The following RPH3A variants were observed in gnomAD, a reference collection of about 807,000 sequenced individuals.
RPH3A encodes rabphilin-3A.
RPH3A carries 48 observed loss-of-function variants against 102.2 expected under a neutral mutation model. The ratio of observed to expected loss-of-function variants is 0.47; its 90% confidence interval spans 0.37 to 0.60. The LOEUF (loss-of-function observed/expected upper bound fraction) is 0.60. Ranked by LOEUF, RPH3A falls within the 20% of genes least tolerant of loss-of-function variation. RPH3A has a pLI of 0.00. For synonymous variants in RPH3A, 310 were observed against 324.3 expected (o/e 0.96, Z 0.47); for missense variants, 781 against 910.1 (o/e 0.86, Z 1.83).
chr12:112,720,758 G>A (rs1214803180), intron 1 of RPH3A, among the ~76,000 whole-genome samples: 1 of 152,184 alleles, frequency 6.6e-6, no homozygotes, highest in African/African-American at 2.4e-5. Context: ...CTATGCTTGT[G>A]TCACATATGC....
intron 1 of RPH3A, among the ~76,000 whole-genome samples, chr12:112,706,562 A>G (rs886537958): frequency 3.3e-5 from 5 of 152,170 alleles, no homozygotes; most frequent in African/African-American, 1.2e-4. Flanking sequence ...GCACTTCAAC[A>G]AATGAGAATG....
chr12:112,861,886 G>T lies in RPH3A; in HGVS notation c.231-3528G>T, dbSNP rs368225923. On this transcript the variant is annotated intron_variant, in intron 5 of 21. Transcript: ENST00000389385. ...AAATTAGCCAGGCGCGATGGTGGGC[G>T]CCTGTAGTCCCAGCTACTTGGGAGG... Among the ~76,000 whole-genome samples, 43 of 151,980 alleles carry T rather than the reference G, an allele frequency of 2.8e-4. 1 individual carries two copies. The highest frequency in any genetic ancestry group is 2.1e-3 in the South Asian group (10 of 4,802).
intron 2 of RPH3A, among the ~76,000 whole-genome samples, chr12:112,807,707 T>C (rs995315416): frequency 2.0e-5 from 3 of 152,056 alleles, no homozygotes; most frequent in African/African-American, 7.2e-5. Context: ...ATGATGATGA[T>C]GAAATCTCTG....
At chr12:112,810,623 T>C (rs2041554565) in intron 2 of RPH3A, among the ~76,000 whole-genome samples, 2 of 152,262 alleles carry the variant, frequency 1.3e-5, no homozygotes, top group South Asian at 4.1e-4. Context: ...AATGTACCGT[T>C]AGTTTCTTGT....
chr12:112,714,386 G>T (rs1467348599), intron 1 of RPH3A, among the ~76,000 whole-genome samples: 1 of 152,136 alleles, frequency 6.6e-6, no homozygotes, highest in African/African-American at 2.4e-5. Flanking sequence ...CTCAGGGTGC[G>T]TGCAGGAGCC....
At position 112,678,319 on chromosome 12, in the gene RPH3A, A is replaced by AGAGAGAGAGAGAGAGAG. The variant is rs1225677838; in HGVS notation, c.-140+103000_-140+103001insGAGAGAGAGAGAGAGAG. Among the ~76,000 whole-genome samples the AGAGAGAGAGAGAGAGAG allele has an allele frequency of 3.2e-4, 22 of 68,614 alleles. 3 individuals carry two copies. The highest frequency in any genetic ancestry group is 1.0e-3 in the Admixed American group (8 of 7,910). 45.0% of individuals were successfully genotyped at this position (68,614 alleles called of 152,430 possible). A position where few individuals can be genotyped will look rare whatever the true frequency, so the allele number is the denominator to read the frequency against. Reference sequence around the variant, plus strand: ...AAAGAAAGAAAGAGAGAGAGAGAGAAAGAAAGAAAGAAGGAAGGAAGGAAG... The same window carrying AGAGAGAGAGAGAGAGAG: ...AAAGAAAGAAAGAGAGAGAGAGAGAAGAGAGAGAGAGAGAGAGAGAAAGAAAGAAGGAAGGAAGGAAG... On this transcript the variant is annotated intron_variant, in intron 1 of 21. Transcript: ENST00000543106.
At position 112,840,018 on chromosome 12, in the gene RPH3A, C is replaced by T. The variant is rs538518163; in HGVS notation, c.83+3516C>T. On this transcript the variant is annotated intron_variant, in intron 4 of 21. Coordinates refer to ENST00000389385, the MANE Select transcript of RPH3A (RefSeq NM_001143854.2). ...AAAAAGAAAAGAAAAGAAGATAGACCCTGACTCTTTGGTGATCAATTTCAA... is the reference window on the plus strand; with the variant it reads ...AAAAAGAAAAGAAAAGAAGATAGACTCTGACTCTTTGGTGATCAATTTCAA... 2.6e-5 allele frequency among the ~76,000 whole-genome samples: 4 copies of T among 152,174 alleles called. No individual in the cohort carries two copies. The South Asian group carries it at 6.2e-4, about 24-fold the overall frequency.
intron 2 of RPH3A, among the ~76,000 whole-genome samples, chr12:112,809,917 T>C (rs1209521304): frequency 6.6e-6 from 1 of 152,172 alleles, no homozygotes; most frequent in Non-Finnish European, 1.5e-5. Context: ...CTCTTACCTG[T>C]AAATTCTGAC....
chr12:112,891,099 T>C, intron 19 of RPH3A, 96 bp downstream of exon 19: 2 of 1,429,428 alleles, frequency 1.4e-6, no homozygotes, highest in Non-Finnish European at 9.6e-7. Flanking sequence ...CGTTGTACAC[T>C]GAGACCCAGA....
intron 1 of RPH3A, among the ~76,000 whole-genome samples, chr12:112,709,005 T>C (rs1392884654): frequency 6.6e-6 from 1 of 152,002 alleles, no homozygotes; most frequent in Non-Finnish European, 1.5e-5. Context: ...TTATATAAGG[T>C]TTCTGTCAAA....
intron 2 of RPH3A, among the ~76,000 whole-genome samples, chr12:112,818,307 T>TAAAAAAAAAA (rs745954372): frequency 2.4e-3 from 105 of 42,882 alleles, no homozygotes; most frequent in East Asian, 2.9e-3. Flanking sequence ...TCAAGAAGAA[T>TAAAAAAAAAA]AAAAAAAAAA....
intron 1 of RPH3A, among the ~76,000 whole-genome samples, chr12:112,692,876 C>T (rs1027220920): frequency 6.6e-6 from 1 of 152,178 alleles, no homozygotes; most frequent in Non-Finnish European, 1.5e-5. Context: ...AGTTGATATC[C>T]TGAGCATGAA....
At chr12:112,639,677 G>A (rs2135990687) in intron 1 of RPH3A, among the ~76,000 whole-genome samples, 1 of 152,282 alleles carries the variant, frequency 6.6e-6, no homozygotes, top group East Asian at 1.9e-4. Flanking sequence ...CCCCCACAAA[G>A]ATGCAGATAT....
chr12:112,805,296 T>C (rs1024065942), intron 2 of RPH3A, among the ~76,000 whole-genome samples: 4 of 151,896 alleles, frequency 2.6e-5, no homozygotes, highest in Non-Finnish European at 4.4e-5. Context: ...TTATAACATT[T>C]AGTGTGTGTA....
upstream of RPH3A, among the ~76,000 whole-genome samples, chr12:112,788,774 G>A (rs111462048): frequency 3.3e-5 from 5 of 152,314 alleles, 2 homozygotes; most frequent in African/African-American, 1.2e-4. Flanking sequence ...TGGAAGCCAA[G>A]AGGCCTGGGA....
Position 112,896,680 on chromosome 12 carries a change from G to C in RPH3A, c.1985G>C (p.Gly662Ala). 3.1e-6 allele frequency: 5 copies of C among 1,614,086 alleles called. No homozygotes were observed. Among genetic ancestry groups the C allele is most frequent in the Non-Finnish European group, 4.2e-6 (5 of 1,180,010 alleles). The change falls in exon 22 of 22, where the codon GGA becomes GCA. Residue 662 changes from glycine to alanine, a missense_variant. Coordinates refer to ENST00000389385, the MANE Select transcript of RPH3A (RefSeq NM_001143854.2). ...GGCQLGISAKGERLKHWYECL... is the reference protein window; with the variant it reads ...GGCQLGISAKAERLKHWYECL... Reference sequence around the variant, plus strand: ...TGCCAGCTGGGGATCTCTGCCAAGGGAGAGCGCTTAAAACACTGGTACGAG... The same window carrying C: ...TGCCAGCTGGGGATCTCTGCCAAGGCAGAGCGCTTAAAACACTGGTACGAG...
chr12:112,667,155 C>A (rs2040088565), intron 1 of RPH3A, among the ~76,000 whole-genome samples: 1 of 152,144 alleles, frequency 6.6e-6, no homozygotes, highest in Non-Finnish European at 1.5e-5. Context: ...TTATTTTTCT[C>A]TGCTTTATCT....
At chr12:112,895,939 C>T in intron 21 of RPH3A, 66 bp downstream of exon 21, 2 of 1,093,246 alleles carry the variant, frequency 1.8e-6, no homozygotes, top group Non-Finnish European at 2.8e-6. Flanking sequence ...GAGCCTTATC[C>T]AGGGCTACAG....
At chr12:112,753,105 T>C (rs2040796649) in intron 1 of RPH3A, among the ~76,000 whole-genome samples, 1 of 152,004 alleles carries the variant, frequency 6.6e-6, no homozygotes, top group Non-Finnish European at 1.5e-5. Flanking sequence ...AGACTGTTTC[T>C]CGTGGAATGT....
Sources: allele counts gnomAD v4.1 joint callset (sites outside exome capture counted in the v4.1 genomes callset), GRCh38; gene constraint gnomAD v4.1.1; transcripts MANE v1.5; gene names NCBI Gene and HGNC (gene_info 2026-07-23, HGNC 2026-07-21).